MED13L: variants seen among roughly 807,000 people sequenced by gnomAD.
MED13L encodes the protein mediator of RNA polymerase II transcription subunit 13-like.
A neutral mutation model predicts 220.9 loss-of-function variants in MED13L; 7 were observed. The ratio of observed to expected loss-of-function variants is 0.03; its 90% CI spans 0.02 to 0.06. MED13L has a LOEUF of 0.06. Ranked by LOEUF, MED13L falls within the 10% of genes least tolerant of loss-of-function variation. The pLI is 1.00. For missense variants in MED13L, 1,965 were observed against 2,760.5 expected (o/e 0.71, Z 6.46); for synonymous variants, 1,011 against 1,015.2 (o/e 1.00, Z 0.08).
At chr12:116,005,592 T>C (rs919431082) in intron 13 of MED13L, among the ~76,000 whole-genome samples, 2 of 152,192 alleles carry the variant, frequency 1.3e-5, no homozygotes, top group African/African-American at 4.8e-5. Flanking sequence ...GATTTTAATA[T>C]GTACAACTGG....
intron 2 of MED13L, among the ~76,000 whole-genome samples, chr12:116,143,544 C>A (rs998292815): frequency 3.9e-5 from 6 of 152,144 alleles, no homozygotes; most frequent in Non-Finnish European, 7.3e-5. Context: ...TAGCTAGGTT[C>A]CCGGCTTGTC....
chr12:115,961,436 C>G (rs1875748064), intron 30 of MED13L, 38 bp from the exon 31 acceptor site: 1 of 1,611,966 alleles, frequency 6.2e-7, no homozygotes, highest in Non-Finnish European at 8.5e-7. Context: ...GCGTGAGCCT[C>G]AAGAGGGAAG....
At chr12:116,076,543 A>G (rs1870817503) in intron 4 of MED13L, among the ~76,000 whole-genome samples, 1 of 152,148 alleles carries the variant, frequency 6.6e-6, no homozygotes, top group Admixed American at 6.5e-5. Flanking sequence ...TCTTACAAAC[A>G]AAACAAAATA....
chr12:115,966,836 G>T (rs1265982902), intron 28 of MED13L, among the ~76,000 whole-genome samples: 1 of 152,158 alleles, frequency 6.6e-6, no homozygotes, highest in Non-Finnish European at 1.5e-5. Flanking sequence ...AATTGAAAAT[G>T]TACCTTTCAT....
In MED13L at chr12:116,237,699, G is replaced by A. The variant is rs1379524685; in HGVS notation, c.79C>T (p.Leu27Phe). 4.3e-6 allele frequency: 7 copies of A among 1,613,938 alleles called. No individual in the cohort carries two copies. The Admixed American group carries it at 1.0e-4, about 23-fold the overall frequency. ...CHSNLFSLAE[L>F]TGIKWRRYNF... is the part of the protein sequence containing the mutation. ...TACCTACGCCATTTGATTCCCGTGA[G>A]TTCAGCCTGGAAAAAGACAAAAAAT... Residue 27 changes from leucine (L) to phenylalanine (F), a missense_variant, in exon 2 of 31, where the codon CTC (leucine) becomes TTC (phenylalanine). This residue lies in a region of MED13L where 818 missense variants were observed against 1,041.2 expected (regional missense o/e 0.79). Transcript: ENST00000281928.
intron 2 of MED13L, among the ~76,000 whole-genome samples, chr12:116,127,844 C>A (rs866710073): frequency 1.1e-4 from 16 of 152,300 alleles, no homozygotes; most frequent in Middle Eastern, 3.4e-3. Context: ...TTAATGGCTT[C>A]TCATGGAATT....
At chr12:116,249,273 A>G (rs1871316673) in intron 1 of MED13L, among the ~76,000 whole-genome samples, 1 of 152,222 alleles carries the variant, frequency 6.6e-6, no homozygotes, top group Non-Finnish European at 1.5e-5. Context: ...AACCAGTGCT[A>G]GCATAAAGTC....
Position 116,005,871 on chromosome 12 carries a change from C to G in MED13L, c.2467G>C (p.Gly823Arg). The change falls in exon 13 of 31, where the codon GGG becomes CGG. Residue 823 changes from glycine to arginine, a missense_variant and splice_region_variant. Gly to Arg is a moderately radical substitution (Grantham distance 125, BLOSUM62 -2). This residue lies in a region of MED13L where 818 missense variants were observed against 1,041.2 expected (regional missense o/e 0.79). Coordinates refer to ENST00000281928, the MANE Select transcript of MED13L (RefSeq NM_015335.5). ...IFDNSDDDEL[G>R]AVSPALRSSK... ...TTATGTAGCTACGGCAAACTCACCCCAAGTTCGTCGTCATCAGAATTATCA... is the reference window on the plus strand; with the variant it reads ...TTATGTAGCTACGGCAAACTCACCCGAAGTTCGTCGTCATCAGAATTATCA... The G allele has an allele frequency of 1.9e-6, 3 of 1,613,822 alleles. No individual in the cohort carries two copies. The highest frequency in any genetic ancestry group is 2.5e-6 in the Non-Finnish European group (3 of 1,179,778).
chr12:116,218,475 A>C (rs1883130731), intron 2 of MED13L, among the ~76,000 whole-genome samples: 1 of 151,622 alleles, frequency 6.6e-6, no homozygotes, highest in Non-Finnish European at 1.5e-5. Context: ...ACACCCCTTC[A>C]CCCTACTCTG....
At position 116,111,461 on chromosome 12, in the gene MED13L, A is replaced by T. The variant is rs749836997; in HGVS notation, c.362T>A (p.Leu121Gln). Residue 121 changes from leucine (L) to glutamine (Q), a missense_variant, in exon 3 of 31, where the codon CTG (leucine) becomes CAG (glutamine). By Grantham distance (113) the Leu-to-Gln change is moderately radical (BLOSUM62 -2). Transcript: ENST00000281928. Reference sequence around the variant, plus strand: ...CAGATTGTGGATCGCTTTGAAGAGCAGCGTCCTACATTCATAGGAAAGGCC... The same window carrying T: ...CAGATTGTGGATCGCTTTGAAGAGCTGCGTCCTACATTCATAGGAAAGGCC... ...ENGLSYECRT[L>Q]LFKAIHNLLE... 6.2e-7 allele frequency: 1 copy of T among 1,612,632 alleles called. No individual in the cohort carries two copies. The highest frequency in any genetic ancestry group is 8.5e-7 in the Non-Finnish European group (1 of 1,179,686).
chr12:116,040,532 G>A (rs1443642783), intron 4 of MED13L, among the ~76,000 whole-genome samples: 2 of 152,058 alleles, frequency 1.3e-5, no homozygotes, highest in Non-Finnish European at 2.9e-5. Flanking sequence ...GAATTCAGTA[G>A]TCATTGCCTT....
chr12:115,969,341 T>C (rs1876413528), intron 27 of MED13L, among the ~76,000 whole-genome samples: 1 of 152,232 alleles, frequency 6.6e-6, no homozygotes, highest in Admixed American at 6.5e-5. Context: ...ATAAAGAATA[T>C]AACATAAAAA....
intron 6 of MED13L, 101 bp from the exon 7 acceptor site, chr12:116,019,513 G>C (rs1029134214): frequency 7.4e-7 from 1 of 1,353,410 alleles, no homozygotes; most frequent in African/African-American, 1.4e-5. Context: ...TGCTCATGAA[G>C]TACTGCCAAA....
chr12:116,184,641 ATC>A (rs1038912703), intron 2 of MED13L, among the ~76,000 whole-genome samples: 1 of 152,198 alleles, frequency 6.6e-6, no homozygotes, highest in Non-Finnish European at 1.5e-5. Context: ...ATTATACCAG[ATC>A]TCTAAGTTGC....
At chr12:116,068,011 CT>C (rs1383821447) in intron 4 of MED13L, among the ~76,000 whole-genome samples, 1 of 152,204 alleles carries the variant, frequency 6.6e-6, no homozygotes, top group Non-Finnish European at 1.5e-5. Flanking sequence ...ACTTAAGTCA[CT>C]TTTAGATACC....
chr12:116,146,445 T>C (rs1877520814), intron 2 of MED13L, among the ~76,000 whole-genome samples: 1 of 151,986 alleles, frequency 6.6e-6, no homozygotes. Flanking sequence ...TTTTTCCTTT[T>C]TTTTTTTTAA....
intron 4 of MED13L, among the ~76,000 whole-genome samples, chr12:116,096,354 CAAAAAAAAAAAA>C (rs537207957): frequency 1.3e-3 from 30 of 23,562 alleles, no homozygotes; most frequent in South Asian, 0.011. Context: ...GACACAGCCT[CAAAAAAAAAAAA>C]AAAAAAAAAA....
chr12:116,276,950 G>C, intron 1 of MED13L, 110 bp downstream of exon 1: 1 of 1,221,996 alleles, frequency 8.2e-7, no homozygotes, highest in Non-Finnish European at 1.2e-6. Context: ...GGGGAGACGC[G>C]AGGGAGGGGC....
chr12:116,274,013 G>C (rs565553738), intron 1 of MED13L, among the ~76,000 whole-genome samples: 1 of 152,258 alleles, frequency 6.6e-6, no homozygotes, highest in South Asian at 2.1e-4. Flanking sequence ...GTGATGGACA[G>C]CATAAGAAAA....
Sources: allele counts gnomAD v4.1 joint callset (sites outside exome capture counted in the v4.1 genomes callset), GRCh38; gene constraint gnomAD v4.1.1; regional missense constraint gnomAD v4.1.1; transcripts MANE v1.5; gene names NCBI Gene and HGNC (gene_info 2026-07-23, HGNC 2026-07-21).